The following FOXP1 variants were observed in gnomAD, a reference collection of about 807,000 sequenced individuals.
FOXP1 encodes the protein forkhead box P1, also known as forkhead box protein P1.
A neutral mutation model predicts 98.2 loss-of-function variants in FOXP1; 15 were observed. The observed-to-expected ratio is 0.15, with a 90% CI of 0.10 to 0.24. The LOEUF is 0.24. Among genes scored for constraint, FOXP1 ranks in the 10% least tolerant of loss-of-function variants. FOXP1 has a pLI of 1.00. For synonymous variants in FOXP1, 371 were observed against 314.5 expected, an observed-to-expected ratio of 1.18 and a Z score of -1.90; for missense variants, 633 against 848.5, an observed-to-expected ratio of 0.75 and a Z score of 3.15.
chr3:71,276,100 T>G (rs1576713488), intron 5 of FOXP1: 1 of 152,234 alleles, frequency 6.6e-6, no homozygotes, highest in South Asian at 2.1e-4. Flanking sequence ...GGTTTCTGCA[T>G]TATGAAATGC....
chr3:71,247,666 A>G (rs2067858931), intron 5 of FOXP1, among the ~76,000 whole-genome samples: 1 of 152,180 alleles, frequency 6.6e-6, no homozygotes, highest in Non-Finnish European at 1.5e-5. Context: ...TGTCTGCCCA[A>G]CATCCATGCT....
chr3:71,175,084 TTG>T (rs2061865093), intron 6 of FOXP1, among the ~76,000 whole-genome samples: 1 of 152,020 alleles, frequency 6.6e-6, no homozygotes. Flanking sequence ...CGCTAATTTT[TTG>T]TGTTTTCAGT....
intron 6 of FOXP1, among the ~76,000 whole-genome samples, chr3:71,157,042 C>A (rs114286712): frequency 0.016 from 2,461 of 152,290 alleles, 72 homozygotes; most frequent in African/African-American, 0.057. Flanking sequence ...AGGAAAAGCA[C>A]AAGAGAGTGG....
At chr3:70,984,031 A>ATTGT (rs913633022) in intron 14 of FOXP1, among the ~76,000 whole-genome samples, 2 of 152,126 alleles carry the variant, frequency 1.3e-5, no homozygotes, top group African/African-American at 4.8e-5. Context: ...GCAGTTTACT[A>ATTGT]TTGTTTGTTT....
chr3:70,996,128 A>G (rs1575982387), intron 13 of FOXP1, among the ~76,000 whole-genome samples: 1 of 152,160 alleles, frequency 6.6e-6, no homozygotes, highest in African/African-American at 2.4e-5. Flanking sequence ...CTGGGATTAC[A>G]GGCATGTATC....
At chr3:71,268,313 TA>T (rs1171236780) in intron 5 of FOXP1, among the ~76,000 whole-genome samples, 1 of 151,896 alleles carries the variant, frequency 6.6e-6, no homozygotes, top group Non-Finnish European at 1.5e-5. Flanking sequence ...AAAATAATTC[TA>T]AAAATCAGAT....
intron 3 of FOXP1, among the ~76,000 whole-genome samples, chr3:71,398,796 A>G (rs1277168004): frequency 6.6e-6 from 1 of 152,186 alleles, no homozygotes; most frequent in Non-Finnish European, 1.5e-5. Flanking sequence ...AACAATTGTA[A>G]TTATGTCATT....
chr3:71,103,425 C>T (rs1244784086), intron 7 of FOXP1, among the ~76,000 whole-genome samples: 1 of 151,410 alleles, frequency 6.6e-6, no homozygotes, highest in African/African-American at 2.4e-5. Flanking sequence ...TCTCTAAGCA[C>T]CAAACTTTTC....
chr3:71,093,148 G>T (rs1007750295), intron 7 of FOXP1, among the ~76,000 whole-genome samples: 1 of 151,768 alleles, frequency 6.6e-6, no homozygotes, highest in Admixed American at 6.6e-5. Flanking sequence ...CAGCTACTTG[G>T]GAGGCTGAGG....
intron 7 of FOXP1, among the ~76,000 whole-genome samples, chr3:71,055,825 T>C (rs1350642604): frequency 1.3e-5 from 2 of 152,310 alleles, no homozygotes; most frequent in East Asian, 1.9e-4. Context: ...TTAAGGTTTC[T>C]TTTTTCCTCT....
intron 6 of FOXP1, among the ~76,000 whole-genome samples, chr3:71,126,098 T>C (rs1246974860): frequency 6.6e-6 from 1 of 152,210 alleles, no homozygotes; most frequent in African/African-American, 2.4e-5. Context: ...GTAGAAGATA[T>C]GTAAAATGTA....
rs1236923142 is a variant in FOXP1, at chr3:71,220,751, TCAAAA to T, written c.-11-22364_-11-22360del. Reference sequence around the variant, plus strand: ...CTGGGTGACTGAGTGAGACCCTGTCTCAAAATAAAATAAAATAAAATAAAATAAAA... The same window carrying T: ...CTGGGTGACTGAGTGAGACCCTGTCTTAAAATAAAATAAAATAAAATAAAA... On this transcript the variant is annotated intron_variant, in intron 5 of 20. Coordinates refer to ENST00000649528, the MANE Select transcript of FOXP1 (RefSeq NM_001349338.3). Among the ~76,000 whole-genome samples the T allele has an allele frequency of 7.5e-5, 5 of 66,590 alleles. No individual in the cohort carries two copies. In the East Asian group the frequency reaches 3.1e-3, roughly 41 times the overall value. 43.7% of individuals were successfully genotyped at this position (66,590 alleles called of 152,430 possible).
At chr3:70,987,961 GT>G (rs1553678324) in intron 14 of FOXP1, 32 bp downstream of exon 14, 11 of 1,600,748 alleles carry the variant, frequency 6.9e-6, no homozygotes, top group African/African-American at 2.7e-5. Context: ...TGTGAGTTTT[GT>G]TTTTTTCCCC....
chr3:71,282,691 A>C (rs928908011), intron 5 of FOXP1, among the ~76,000 whole-genome samples: 3 of 152,150 alleles, frequency 2.0e-5, no homozygotes, highest in African/African-American at 7.2e-5. Context: ...CAGGCCCCCA[A>C]CCCAAGATGG....
At chr3:71,405,057 C>T (rs190131959) in intron 3 of FOXP1, among the ~76,000 whole-genome samples, 84 of 152,308 alleles carry the variant, frequency 5.5e-4, no homozygotes, top group African/African-American at 1.9e-3. Flanking sequence ...TGCACCAGCA[C>T]GCAGCCACCA....
chr3:71,134,683 C>T (rs752873596), intron 6 of FOXP1, among the ~76,000 whole-genome samples: 5 of 152,144 alleles, frequency 3.3e-5, no homozygotes, highest in Non-Finnish European at 7.3e-5. Flanking sequence ...GCCCATACAG[C>T]TGGGAGTATT....
At chr3:71,051,843 G>A (rs541019637) in intron 9 of FOXP1, among the ~76,000 whole-genome samples, 6 of 152,232 alleles carry the variant, frequency 3.9e-5, no homozygotes, top group East Asian at 1.9e-4. Flanking sequence ...TTTATGGGAC[G>A]AATGCTGTCA....
intron 3 of FOXP1, among the ~76,000 whole-genome samples, chr3:71,415,412 T>C (rs2083134630): frequency 6.6e-6 from 1 of 152,210 alleles, no homozygotes; most frequent in South Asian, 2.1e-4. Context: ...CTTTATACAA[T>C]GTAGACATAA....
chr3:71,294,085 A>G (rs2073036183), intron 5 of FOXP1, among the ~76,000 whole-genome samples: 2 of 152,204 alleles, frequency 1.3e-5, no homozygotes, highest in Admixed American at 1.3e-4. Flanking sequence ...AACAGAATGT[A>G]TATTTGTTGT....
Sources: allele counts gnomAD v4.1 joint callset (sites outside exome capture counted in the v4.1 genomes callset), GRCh38; gene constraint gnomAD v4.1.1; transcripts MANE v1.5; gene names NCBI Gene and HGNC (gene_info 2026-07-23, HGNC 2026-07-21).